LEPR: variants seen among roughly 807,000 people sequenced by gnomAD.
LEPR encodes OB receptor.
A neutral mutation model predicts 114.7 loss-of-function variants in LEPR; 56 were observed. The observed-to-expected ratio is 0.49, with a 90% CI of 0.39 to 0.61. The LOEUF (loss-of-function observed/expected upper bound fraction) is 0.61, where lower values mean the gene tolerates loss of function less well. Among genes scored for constraint, LEPR ranks in the 20% least tolerant of loss-of-function variants. The probability of loss-of-function intolerance (pLI) is 0.00; values close to 1 mark genes in which losing one functional copy is unlikely to be tolerated. For synonymous variants in LEPR, 443 were observed against 461.4 expected (o/e 0.96, Z 0.51); for missense variants, 1,202 against 1,352.9 (o/e 0.89, Z 1.75).
Position 65,637,002 on chromosome 1 carries a change from AC to A in LEPR, c.3487del (p.Leu1163Ter). On this transcript the variant is annotated frameshift_variant, in exon 20 of 20. Transcript: ENST00000349533. LOFTEE classifies it high-confidence loss of function. ...AAGATCATGGAAAACAAGATGTGTGACCTAACTGTGTAATTTCACTGAAGAA... is the reference window on the plus strand; with the variant it reads ...AAGATCATGGAAAACAAGATGTGTGACTAACTGTGTAATTTCACTGAAGAA... ...THKIMENKMCDLTV is the reference protein window; with the variant it reads ...THKIMENKMCXLTV The A allele has an allele frequency of 6.2e-7, 1 of 1,613,490 alleles. No homozygotes were observed. The highest frequency in any genetic ancestry group is 1.1e-5 in the South Asian group (1 of 91,062).
chr1:65,633,057 C>G lies in LEPR; in HGVS notation c.2674-3134C>G. On this transcript the variant is annotated intron_variant, in intron 19 of 19. Transcript: ENST00000349533. The surrounding 1 kb of genome is among the most constrained non-coding windows in gnomAD (Gnocchi z 4.1). ...AACACAAAAATTTATAGTCCAGAAC[C>G]CATGCTTGACAATGTTTTTTGAAAT... 1.0e-6 allele frequency: 1 copy of G among 991,412 alleles called. No homozygotes were observed. The highest frequency in any genetic ancestry group is 1.5e-6 in the Non-Finnish European group (1 of 647,404). 61.4% of individuals were successfully genotyped at this position (991,412 alleles called of 1,614,324 possible). A position where few individuals can be genotyped will look rare whatever the true frequency, so the allele number is the denominator to read the frequency against.
intron 2 of LEPR, among the ~76,000 whole-genome samples, chr1:65,452,017 G>A (rs1486348028): frequency 4.0e-5 from 6 of 150,746 alleles, no homozygotes; most frequent in African/African-American, 9.8e-5. Context: ...TGGATTCCTA[G>A]GTATTTTATT....
chr1:65,454,691 C>A (rs940470715), intron 2 of LEPR, among the ~76,000 whole-genome samples: 27 of 152,262 alleles, frequency 1.8e-4, no homozygotes, highest in African/African-American at 6.3e-4. Flanking sequence ...GGTAACCCAA[C>A]CTTTCTCTCT....
chr1:65,535,148 CAT>C (rs1491225264), intron 2 of LEPR, among the ~76,000 whole-genome samples: 6 of 151,970 alleles, frequency 3.9e-5, no homozygotes, highest in African/African-American at 9.7e-5. Flanking sequence ...CATGTGTGTG[CAT>C]GTGTGTGTGT....
intron 10 of LEPR, among the ~76,000 whole-genome samples, chr1:65,603,837 G>T (rs1470461440): frequency 6.6e-6 from 1 of 151,936 alleles, no homozygotes; most frequent in Non-Finnish European, 1.5e-5. Context: ...TGGAGTGTTG[G>T]CTAGGACTCA....
At chr1:65,615,975 C>T (rs763633292) in intron 14 of LEPR, 33 bp from the exon 15 acceptor site, 2 of 1,612,664 alleles carry the variant, frequency 1.2e-6, no homozygotes, top group Non-Finnish European at 1.7e-6. Flanking sequence ...GCACTGCAGC[C>T]CTTAAACTAA....
At chr1:65,507,480 T>A (rs968777897) in intron 2 of LEPR, among the ~76,000 whole-genome samples, 8 of 146,374 alleles carry the variant, frequency 5.5e-5, no homozygotes, top group African/African-American at 2.0e-4. Context: ...TATACACATA[T>A]ATATGTATAT....
chr1:65,507,153 C>T lies in LEPR; in HGVS notation c.-20-58393C>T, dbSNP rs181562241. Among the ~76,000 whole-genome samples, 98 of 152,150 alleles carry T rather than the reference C, an allele frequency of 6.4e-4. No individual in the cohort carries two copies. In the East Asian group the frequency reaches 0.016, roughly 25 times the overall value. ...GCAACCTCTGCCTCCTGGGTTCAAA[C>T]GATCCTCCTGCTTCAGCCTCCCAAG... On this transcript the variant is annotated intron_variant, in intron 2 of 19. Transcript: ENST00000349533.
Position 65,570,496 on chromosome 1 carries a change from T to C in LEPR, c.64T>C (p.Phe22Leu), listed in dbSNP as rs1283354030. The change falls in exon 4 of 20, where the codon TTT becomes CTT. Residue 22 changes from phenylalanine to leucine, a missense_variant. By Grantham distance (22) the Phe-to-Leu change is conservative. Transcript: ENST00000349533. ...AGAATTTATTTATGTGATAACTGCG[T>C]TTAACTTGTCATATCCAATTACTCC... The part of the protein sequence containing the change: ...HWEFIYVITA[F>L]NLSYPITPWR... The C allele has an allele frequency of 1.2e-6, 2 of 1,613,802 alleles. No homozygotes were observed. The highest frequency in any genetic ancestry group is 1.7e-6 in the Non-Finnish European group (2 of 1,179,924).
rs781558613 is a variant in LEPR, at chr1:65,558,501, G to GTTTTTTTTTTTTTTTTTT, written c.-20-7030_-20-7029insTTTTTTTTTTTTTTTTTT. Among the ~76,000 whole-genome samples the GTTTTTTTTTTTTTTTTTT allele has an allele frequency of 3.9e-4, 9 of 23,154 alleles. 2 individuals carry two copies. Among genetic ancestry groups the GTTTTTTTTTTTTTTTTTT allele is most frequent in the Admixed American group, 1.1e-3 (2 of 1,826 alleles). 15.2% of individuals were successfully genotyped at this position (23,154 alleles called of 152,430 possible). A position where few individuals can be genotyped will look rare whatever the true frequency, so the allele number is the denominator to read the frequency against. ...TGAGTCATGAGACATGTTTCTTAAT[G>GTTTTTTTTTTTTTTTTTT]TTTTTTTTTTTTTTTGAATCAGAAG... On this transcript the variant is annotated intron_variant, in intron 2 of 19. Coordinates refer to ENST00000349533, the MANE Select transcript of LEPR (RefSeq NM_002303.6).
intron 14 of LEPR, among the ~76,000 whole-genome samples, chr1:65,611,070 C>T (rs1657135147): frequency 6.6e-6 from 1 of 152,172 alleles, no homozygotes; most frequent in African/African-American, 2.4e-5. Context: ...GGTGAATAAT[C>T]AATGCAATTT....
intron 4 of LEPR, among the ~76,000 whole-genome samples, chr1:65,571,304 C>A (rs894829666): frequency 2.0e-5 from 3 of 151,900 alleles, no homozygotes; most frequent in East Asian, 1.9e-4. Flanking sequence ...ATTTAACTAA[C>A]CTGCACATCC....
At position 65,601,173 on chromosome 1, in the gene LEPR, AC is replaced by A. The variant is rs1255242126; in HGVS notation, c.995-218del. On this transcript the variant is annotated intron_variant, in intron 8 of 19. Transcript: ENST00000349533. ...CCTCTGTGTTTAGAAGATAGTAAAG[AC>A]ATTCATGGAAGCTCAACTCACTTTA... Among the ~76,000 whole-genome samples, 2 of 152,064 alleles carry A rather than the reference AC, an allele frequency of 1.3e-5. 1 individual carries two copies. The highest frequency in any genetic ancestry group is 4.1e-4 in the South Asian group (2 of 4,828).
intron 2 of LEPR, chr1:65,435,801 A>C: frequency 1.9e-5 from 19 of 981,760 alleles, no homozygotes; most frequent in Non-Finnish European, 2.2e-5. Flanking sequence ...TAGTAGATAA[A>C]TATTAGTTGT....
intron 2 of LEPR, among the ~76,000 whole-genome samples, chr1:65,550,484 T>C (rs1226928356): frequency 2.0e-5 from 3 of 152,226 alleles, no homozygotes; most frequent in Non-Finnish European, 4.4e-5. Flanking sequence ...TCGAGCTTCC[T>C]GGCTGTTTTG....
At chr1:65,635,694 C>T (rs1249870303) in intron 19 of LEPR, among the ~76,000 whole-genome samples, 2 of 152,110 alleles carry the variant, frequency 1.3e-5, no homozygotes. Context: ...TGTTTTTAGA[C>T]AAGTTATTTT....
intron 2 of LEPR, chr1:65,429,946 A>G (rs1477001718): frequency 1.3e-6 from 2 of 1,572,424 alleles, no homozygotes; most frequent in East Asian, 2.3e-5. Flanking sequence ...CCTATGACTC[A>G]GATGCAACCA....
In LEPR at chr1:65,633,257, A is replaced by G; in HGVS notation, c.2674-2934A>G. On this transcript the variant is annotated intron_variant, in intron 19 of 19. Coordinates refer to ENST00000349533, the MANE Select transcript of LEPR (RefSeq NM_002303.6). This position sits in a 1 kb window ranked among gnomAD's most constrained non-coding sequence, Gnocchi z 4.1. ...TTAGAAGATTTTTACATTTTGAAGA[A>G]GGGGAGCAAATCTAAAAAAAATTCA... 2 of 1,566,212 alleles carry G rather than the reference A, an allele frequency of 1.3e-6. No homozygotes were observed. Among genetic ancestry groups the G allele is most frequent in the South Asian group, 2.4e-5 (2 of 81,974 alleles).
At chr1:65,571,368 G>GA (rs1361627806) in intron 4 of LEPR, among the ~76,000 whole-genome samples, 1 of 151,888 alleles carries the variant, frequency 6.6e-6, no homozygotes, top group Admixed American at 6.5e-5. Flanking sequence ...AAAAAGAAAA[G>GA]AAAAAAATTC....
Sources: gnomAD v4.1 joint callset for allele counts (sites outside exome capture counted in the v4.1 genomes callset) on GRCh38, gnomAD v4.1.1 for gene constraint, Gnocchi (gnomAD v3.1) non-coding constraint, MANE v1.5 for transcripts, NCBI Gene and HGNC (gene_info 2026-07-23, HGNC 2026-07-21) for gene names.